AOC1: variants seen among roughly 807,000 people sequenced by gnomAD.
AOC1 encodes the protein diamine oxidase [copper-containing].
AOC1 carries 58 observed loss-of-function variants against 57.1 expected under a neutral mutation model. The ratio of observed to expected loss-of-function variants is 1.02; its 90% confidence interval spans 0.82 to 1.26. The LOEUF (loss-of-function observed/expected upper bound fraction) is 1.26. Ranked by LOEUF, AOC1 falls within the 50% of genes most tolerant of loss-of-function variation. The probability of loss-of-function intolerance (pLI) is 0.00; values close to 1 mark genes in which losing one functional copy is unlikely to be tolerated. For missense variants in AOC1, 917 were observed against 1,005.3 expected, an observed-to-expected ratio of 0.91 and a Z score of 1.19; for synonymous variants, 401 against 423.4, an observed-to-expected ratio of 0.95 and a Z score of 0.65.
chr7:150,858,966 A>G lies in AOC1; in HGVS notation c.1774A>G (p.Thr592Ala). The G allele has an allele frequency of 6.2e-7, 1 of 1,608,656 alleles. No homozygotes were observed. The highest frequency in any genetic ancestry group is 8.5e-7 in the Non-Finnish European group (1 of 1,176,454). Residue 592 changes from threonine to alanine, a missense_variant, in exon 3 of 5, where the codon ACG becomes GCG. By Grantham distance (58) the Thr-to-Ala change is moderately conservative. Transcript: ENST00000360937. The stretch of plus-strand genomic sequence containing the variant: ...GGAGAACCCCTGGGGCCACAAGCGC[A>G]CGTACCGCCTGCAGATCCACTCCAT... ...PQENPWGHKRTYRLQIHSMAD... is the reference protein window; with the variant it reads ...PQENPWGHKRAYRLQIHSMAD...
chr7:150,854,690 C>T (rs1799722766), intron 1 of AOC1, among the ~76,000 whole-genome samples: 1 of 152,138 alleles, frequency 6.6e-6, no homozygotes, highest in Non-Finnish European at 1.5e-5. Context: ...GCTTGTGCTT[C>T]GGAAATGTGA....
intron 2 of AOC1, 26 bp downstream of exon 2, chr7:150,858,066 G>A (rs187425555): frequency 1.6e-4 from 235 of 1,496,486 alleles, no homozygotes; most frequent in African/African-American, 1.1e-3. Flanking sequence ...AGACTCTCCC[G>A]TTCAAACATC....
rs746534662 is a variant in AOC1, at chr7:150,856,753, C to T, written c.283C>T (p.Arg95Trp). ...FLDKGERHPV[R>W]EARAVIFFGD... The stretch of plus-strand genomic sequence containing the variant: ...GGATAAAGGTGAAAGGCATCCTGTG[C>T]GGGAAGCCCGTGCCGTCATCTTCTT... The change falls in exon 2 of 5, where the codon CGG (arginine) becomes TGG (tryptophan). Residue 95 changes from arginine to tryptophan, a missense_variant. Coordinates refer to ENST00000360937, the MANE Select transcript of AOC1 (RefSeq NM_001091.4). This position sits in a 1 kb window ranked among gnomAD's most constrained non-coding sequence, Gnocchi z 5.2. 57 of 1,613,966 alleles carry T rather than the reference C, an allele frequency of 3.5e-5. No homozygotes were observed. Among genetic ancestry groups the T allele is most frequent in the Non-Finnish European group, 4.5e-5 (53 of 1,179,974 alleles).
In AOC1 at chr7:150,856,151, G is replaced by A. The variant is rs1248526967; in HGVS notation, c.-16-304G>A. 2.6e-5 allele frequency among the ~76,000 whole-genome samples: 4 copies of A among 152,188 alleles called. No individual in the cohort carries two copies. The highest frequency in any genetic ancestry group is 1.9e-4 in the East Asian group (1 of 5,196). ...GCCCAGCCTGGCCTCTGTGACTCAC[G>A]GCACCCCTGGCTGAGATAATACACA... On this transcript the variant is annotated intron_variant, in intron 1 of 4. Coordinates refer to ENST00000360937, the MANE Select transcript of AOC1 (RefSeq NM_001091.4). The surrounding 1 kb of genome is among the most constrained non-coding windows in gnomAD (Gnocchi z 5.2).
In AOC1 at chr7:150,857,606, G is replaced by T; in HGVS notation, c.1136G>T (p.Gly379Val). The stretch of plus-strand genomic sequence containing the variant: ...TACCTCGATGTCGGCTGGGGCCTGG[G>T]CAGCGTCACTCATGAGTTAGCCCCC... ...TKYLDVGWGLGSVTHELAPGI... is the reference protein window; with the variant it reads ...TKYLDVGWGLVSVTHELAPGI... The change falls in exon 2 of 5, where the codon GGC becomes GTC. Residue 379 changes from glycine (G) to valine (V), a missense_variant. Physicochemically the swap from Gly to Val is moderately radical, Grantham distance 109 (BLOSUM62 -3). Transcript: ENST00000360937. This position sits in a 1 kb window ranked among gnomAD's most constrained non-coding sequence, Gnocchi z 6.6. The T allele has an allele frequency of 1.2e-6, 2 of 1,614,000 alleles. No individual in the cohort carries two copies. Among genetic ancestry groups the T allele is most frequent in the Non-Finnish European group, 1.7e-6 (2 of 1,179,996 alleles).
chr7:150,857,910 T>C lies in AOC1; in HGVS notation c.1440T>C (p.His480=), dbSNP rs776414374. The part of the protein sequence containing the change: ...YPNGVMEAKM[H]ATGYVHATFY... ...ACGGGGTGATGGAGGCCAAGATGCA[T>C]GCCACTGGCTACGTCCACGCCACCT... The change falls in exon 2 of 5, where the codon CAT becomes CAC. Residue 480 remains histidine (H), a synonymous_variant. Coordinates refer to ENST00000360937, the MANE Select transcript of AOC1 (RefSeq NM_001091.4). The surrounding 1 kb of genome is among the most constrained non-coding windows in gnomAD (Gnocchi z 6.6). 1 of 1,613,374 alleles carries C rather than the reference T, an allele frequency of 6.2e-7. No homozygotes were observed. Among genetic ancestry groups the C allele is most frequent in the Non-Finnish European group, 8.5e-7 (1 of 1,179,742 alleles).
rs1239940819 is a variant in AOC1, at chr7:150,858,866, G to A, written c.1674G>A (p.Gln558=). The part of the protein sequence containing the change: ...RVVQPTLEQT[Q]YSWERQAAFR... The stretch of plus-strand genomic sequence containing the variant: ...TCCAGCCAACTCTGGAGCAGACGCA[G>A]TACTCCTGGGAGCGCCAGGCGGCCT... Residue 558 remains glutamine, a synonymous_variant, in exon 3 of 5, where the codon CAG becomes CAA. Transcript: ENST00000360937. 1 of 1,613,990 alleles carries A rather than the reference G, an allele frequency of 6.2e-7. No individual in the cohort carries two copies. The highest frequency in any genetic ancestry group is 2.2e-5 in the East Asian group (1 of 44,878).
At position 150,861,209 on chromosome 7, in the gene AOC1, A is replaced by G; in HGVS notation, c.2256A>G (p.Ter752TrpextTer22). 6.4e-7 allele frequency: 1 copy of G among 1,567,662 alleles called. No homozygotes were observed. Among genetic ancestry groups the G allele is most frequent in the South Asian group, 1.2e-5 (1 of 85,356 alleles). ...FSYNGTYRPV[*>W] ...ACAATGGGACCTATAGACCTGTGTG[A>G]CCAGCCCCCAGTTCCTCCCCCAGTT... Residue 752 changes from the stop codon to tryptophan (W), a stop_lost, in exon 5 of 5, where the codon TGA becomes TGG. Coordinates refer to ENST00000360937, the MANE Select transcript of AOC1 (RefSeq NM_001091.4). The surrounding 1 kb of genome is among the most constrained non-coding windows in gnomAD (Gnocchi z 4.5).
rs45538435 is a variant in AOC1, at chr7:150,859,628, G to A, written c.1856+580G>A. 2.3e-4 allele frequency among the ~76,000 whole-genome samples: 34 copies of A among 148,880 alleles called. No individual in the cohort carries two copies. The East Asian group carries it at 5.6e-3, about 25-fold the overall frequency. On this transcript the variant is annotated intron_variant, in intron 3 of 4. Transcript: ENST00000360937. ...TGAGGCAGGAGAATGGCGTGAACCC[G>A]GGAGGCGGAGCTTGCAGTGAGCCGA... is the stretch of plus-strand genomic sequence containing the variant.
rs1438822272 is a variant in AOC1, at chr7:150,860,472, A to G, written c.1857-29A>G. The stretch of plus-strand genomic sequence containing the variant: ...TGAGGGGGGCCAGCCCAGGGCCCTG[A>G]GCCAAGCTGCTTCGCCTGTGCCTGG... On this transcript the variant is annotated intron_variant, in intron 3 of 4. Transcript: ENST00000360937. 4 of 1,613,268 alleles carry G rather than the reference A, an allele frequency of 2.5e-6. No homozygotes were observed. In the East Asian group the frequency reaches 6.7e-5, roughly 27 times the overall value.
chr7:150,858,853 T>C lies in AOC1; in HGVS notation c.1661T>C (p.Leu554Pro). Reference protein sequence around the residue: ...SPRHRVVQPTLEQTQYSWERQ... With the variant: ...SPRHRVVQPTPEQTQYSWERQ... Reference sequence around the variant, plus strand: ...AGACACCGCGTGGTCCAGCCAACTCTGGAGCAGACGCAGTACTCCTGGGAG... The same window carrying C: ...AGACACCGCGTGGTCCAGCCAACTCCGGAGCAGACGCAGTACTCCTGGGAG... The change falls in exon 3 of 5, where the codon CTG becomes CCG. Residue 554 changes from leucine to proline, a missense_variant. By Grantham distance (98) the Leu-to-Pro change is moderately conservative (BLOSUM62 -3). Transcript: ENST00000360937. 6.2e-7 allele frequency: 1 copy of C among 1,613,990 alleles called. No individual in the cohort carries two copies. The highest frequency in any genetic ancestry group is 1.1e-5 in the South Asian group (1 of 91,080).
chr7:150,858,288 G>C (rs560835768), intron 2 of AOC1, among the ~76,000 whole-genome samples: 2 of 152,300 alleles, frequency 1.3e-5, no homozygotes, highest in African/African-American at 2.4e-5. Flanking sequence ...CATGGGGCAA[G>C]GGAGGGGACG....
rs201712777 is a variant in AOC1, at chr7:150,853,661, C to CTATATA, written c.-17+1135_-17+1140dup. Among the ~76,000 whole-genome samples, 471 of 62,554 alleles carry CTATATA rather than the reference C, an allele frequency of 7.5e-3. 4 individuals are homozygous for CTATATA. The highest frequency in any genetic ancestry group is 0.011 in the Admixed American group (64 of 5,836). The allele number at this position is 62,554 out of a possible 152,430, so 41.0% of individuals were successfully genotyped here. On this transcript the variant is annotated intron_variant, in intron 1 of 4. Coordinates refer to ENST00000360937, the MANE Select transcript of AOC1 (RefSeq NM_001091.4). Reference sequence around the variant, plus strand: ...CCTGGGCAACATAGTGAGATCCTGACTATATATATATATATATATATATAT... The same window carrying CTATATA: ...CCTGGGCAACATAGTGAGATCCTGACTATATATATATATATATATATATATATATAT...
chr7:150,854,339 C>CATCTCAGATCAGCCTTT (rs1799711345), intron 1 of AOC1, among the ~76,000 whole-genome samples: 2 of 152,086 alleles, frequency 1.3e-5, no homozygotes, highest in Admixed American at 6.5e-5. Context: ...GAGAGAAGGA[C>CATCTCAGATCAGCCTTT]ATCTCAGATC....
chr7:150,857,032 G>GC lies in AOC1; in HGVS notation c.568dup (p.Arg190ProfsTer85), dbSNP rs760456212. 3 of 1,614,106 alleles carry GC rather than the reference G, an allele frequency of 1.9e-6. No homozygotes were observed. The highest frequency in any genetic ancestry group is 2.5e-6 in the Non-Finnish European group (3 of 1,179,994). Reference sequence around the variant, plus strand: ...CAGATGCCTGGCCTTCACCGATGTGGCCCCCCGGGGTGTGGCTTCTGGCCA... The same window carrying GC: ...CAGATGCCTGGCCTTCACCGATGTGGCCCCCCCGGGGTGTGGCTTCTGGCCA... On this transcript the variant is annotated frameshift_variant, in exon 2 of 5. Coordinates refer to ENST00000360937, the MANE Select transcript of AOC1 (RefSeq NM_001091.4). LOFTEE classifies it high-confidence loss of function. This position sits in a 1 kb window ranked among gnomAD's most constrained non-coding sequence, Gnocchi z 6.6.
chr7:150,856,347 G>A lies in AOC1; in HGVS notation c.-16-108G>A, dbSNP rs564139159. On this transcript the variant is annotated intron_variant, in intron 1 of 4. Transcript: ENST00000360937. The surrounding 1 kb of genome is among the most constrained non-coding windows in gnomAD (Gnocchi z 5.2). ...CAGGACAGCCTCCAGCTTGGGGCAG[G>A]GCAAGGGGAGGAAGCTCAGTCCATG... 1.7e-5 allele frequency: 24 copies of A among 1,379,196 alleles called. No homozygotes were observed. The South Asian group carries it at 3.1e-4, about 18-fold the overall frequency. 85.4% of individuals were successfully genotyped at this position (1,379,196 alleles called of 1,614,324 possible).
Position 150,857,423 on chromosome 7 carries a change from T to C in AOC1, c.953T>C (p.Leu318Pro), listed in dbSNP as rs1799817910. Residue 318 changes from leucine to proline, a missense_variant, in exon 2 of 5, where the codon CTC (leucine) becomes CCC (proline). Transcript: ENST00000360937. This position sits in a 1 kb window ranked among gnomAD's most constrained non-coding sequence, Gnocchi z 6.6. ...TTCAGGCTGGAGGGCAACGCTGTGCTCTACGGCGGCTGGAGCTTTGCCTTC... is the reference window on the plus strand; with the variant it reads ...TTCAGGCTGGAGGGCAACGCTGTGCCCTACGGCGGCTGGAGCTTTGCCTTC... Reference protein sequence around the residue: ...PRFRLEGNAVLYGGWSFAFRL... With the variant: ...PRFRLEGNAVPYGGWSFAFRL... 1 of 1,610,996 alleles carries C rather than the reference T, an allele frequency of 6.2e-7. No homozygotes were observed. Among genetic ancestry groups the C allele is most frequent in the African/African-American group, 1.3e-5 (1 of 74,928 alleles).
In AOC1 at chr7:150,858,048, T is replaced by C; in HGVS notation, c.1570+8T>C. ...TAGACCTGGATGTGGCAGGTAGGAC[T>C]CAAAGCGAGACTCTCCCGTTCAAAC... On this transcript the variant is annotated splice_region_variant and intron_variant, in intron 2 of 4. Transcript: ENST00000360937. 6.6e-7 allele frequency: 1 copy of C among 1,506,226 alleles called. No individual in the cohort carries two copies. Among genetic ancestry groups the C allele is most frequent in the Non-Finnish European group, 8.8e-7 (1 of 1,133,496 alleles). 93.3% of individuals were successfully genotyped at this position (1,506,226 alleles called of 1,614,324 possible).
chr7:150,853,465 AAAAGACTTTTAATAGACTTTTT>A (rs1199578776), intron 1 of AOC1, among the ~76,000 whole-genome samples: 3 of 152,114 alleles, frequency 2.0e-5, no homozygotes, highest in Non-Finnish European at 4.4e-5. Context: ...AAAGTTTGTT[AAAAGACTTTTAATAGACTTTTT>A]AAAGACTTTT....
Sources: allele counts gnomAD v4.1 joint callset (sites outside exome capture counted in the v4.1 genomes callset), GRCh38; gene constraint gnomAD v4.1.1; non-coding constraint Gnocchi (gnomAD v3.1); transcripts MANE v1.5; gene names NCBI Gene and HGNC (gene_info 2026-07-23, HGNC 2026-07-21).